FBN2: variants seen among roughly 807,000 people sequenced by gnomAD.
The protein encoded by FBN2 is fibrillin 2.
A neutral mutation model predicts 355.6 loss-of-function variants in FBN2; 105 were observed. The ratio of observed to expected loss-of-function variants is 0.30; its 90% CI spans 0.25 to 0.35. The LOEUF (loss-of-function observed/expected upper bound fraction) is 0.35. Among genes scored for constraint, FBN2 ranks in the 10% least tolerant of loss-of-function variants. The pLI, the probability that FBN2 is intolerant of heterozygous loss-of-function variation, is 1.00. For synonymous variants in FBN2, 1,350 were observed against 1,301.2 expected (o/e 1.04, Z -0.81); for missense variants, 3,280 against 3,758.7 (o/e 0.87, Z 3.33).
At chr5:128,417,198 A>C (rs1414826348) in intron 7 of FBN2, among the ~76,000 whole-genome samples, 4 of 151,924 alleles carry the variant, frequency 2.6e-5, no homozygotes, top group African/African-American at 9.7e-5. Flanking sequence ...TTGTGCACTG[A>C]TTTTTTTATC....
intron 11 of FBN2, among the ~76,000 whole-genome samples, chr5:128,388,645 G>C (rs1051726567): frequency 2.0e-5 from 3 of 152,152 alleles, no homozygotes; most frequent in African/African-American, 7.2e-5. Context: ...TTTTCTTTAA[G>C]AATGCTGAAT....
At chr5:128,465,490 T>C (rs1310982185) in intron 5 of FBN2, among the ~76,000 whole-genome samples, 1 of 152,160 alleles carries the variant, frequency 6.6e-6, no homozygotes, top group Non-Finnish European at 1.5e-5. Flanking sequence ...AACAAATCAA[T>C]AAAGATATGC....
chr5:128,287,311 T>C lies in FBN2; in HGVS notation c.6877A>G (p.Lys2293Glu), dbSNP rs758784773. ...ACTCCCGAGTCTGAGGCCTTACCTTTGCACATCTTTTGATCTTCCCTGAGG... is the reference window on the plus strand; with the variant it reads ...ACTCCCGAGTCTGAGGCCTTACCTTCGCACATCTTTTGATCTTCCCTGAGG... ...YALREDQKMC[K>E]DLDECAEGLH... The change falls in exon 54 of 65, where the codon AAA becomes GAA. Residue 2293 changes from lysine (K) to glutamate (E), a missense_variant. Physicochemically the swap from Lys to Glu is moderately conservative, Grantham distance 56. Coordinates refer to ENST00000262464, the MANE Select transcript of FBN2 (RefSeq NM_001999.4). 12 of 1,613,952 alleles carry C rather than the reference T, an allele frequency of 7.4e-6. No homozygotes were observed. Among genetic ancestry groups the C allele is most frequent in the Non-Finnish European group, 6.8e-6 (8 of 1,179,846 alleles).
At chr5:128,429,604 A>T (rs1438363832) in intron 7 of FBN2, among the ~76,000 whole-genome samples, 1 of 152,220 alleles carries the variant, frequency 6.6e-6, no homozygotes, top group Admixed American at 6.5e-5. Context: ...AAAAAACATC[A>T]AAATAACAAT....
At chr5:128,454,244 T>C (rs1233603325) in intron 6 of FBN2, among the ~76,000 whole-genome samples, 1 of 152,232 alleles carries the variant, frequency 6.6e-6, no homozygotes, top group African/African-American at 2.4e-5. Flanking sequence ...TGTTTTAGAA[T>C]GATGTGTTGT....
chr5:128,501,719 A>G (rs947730631), intron 5 of FBN2, among the ~76,000 whole-genome samples: 16 of 152,152 alleles, frequency 1.1e-4, no homozygotes, highest in African/African-American at 3.9e-4. Flanking sequence ...TAAAAGAGAA[A>G]CTTCTAAATA....
intron 8 of FBN2, among the ~76,000 whole-genome samples, chr5:128,403,270 G>A (rs1752845929): frequency 1.3e-5 from 2 of 151,900 alleles, no homozygotes; most frequent in South Asian, 4.2e-4. Flanking sequence ...TTCACATTAT[G>A]TTTTCAGGTT....
intron 2 of FBN2, 41 bp from the exon 3 acceptor site, chr5:128,530,734 A>T: frequency 8.1e-7 from 1 of 1,238,576 alleles, no homozygotes; most frequent in Non-Finnish European, 1.2e-6. Flanking sequence ...ATAACTATAT[A>T]ATAAACCATA....
At chr5:128,296,794 G>A (rs1210955331) in intron 48 of FBN2, among the ~76,000 whole-genome samples, 1 of 152,050 alleles carries the variant, frequency 6.6e-6, no homozygotes, top group Non-Finnish European at 1.5e-5. Context: ...ACCAGCTCCT[G>A]GATTCGTTAA....
chr5:128,528,371 G>A (rs955017776), intron 3 of FBN2, among the ~76,000 whole-genome samples: 4 of 152,190 alleles, frequency 2.6e-5, no homozygotes, highest in Admixed American at 6.5e-5. Flanking sequence ...GGGGAGCTAC[G>A]GAAAACACAG....
intron 5 of FBN2, among the ~76,000 whole-genome samples, chr5:128,502,890 T>C (rs970593388): frequency 6.6e-6 from 1 of 152,214 alleles, no homozygotes; most frequent in Non-Finnish European, 1.5e-5. Flanking sequence ...TTGTTCAACA[T>C]AAATTTAGCT....
At chr5:128,469,035 A>T (rs1754786257) in intron 5 of FBN2, among the ~76,000 whole-genome samples, 1 of 152,178 alleles carries the variant, frequency 6.6e-6, no homozygotes, top group Admixed American at 6.5e-5. Flanking sequence ...GAGTTTACTG[A>T]GTGACTAGTA....
chr5:128,462,034 T>G (rs1356694730), intron 6 of FBN2, among the ~76,000 whole-genome samples: 1 of 152,218 alleles, frequency 6.6e-6, no homozygotes, highest in Non-Finnish European at 1.5e-5. Flanking sequence ...TCTTTAAGTA[T>G]TATCTTAATT....
At chr5:128,417,044 T>C (rs1753219900) in intron 7 of FBN2, among the ~76,000 whole-genome samples, 1 of 152,206 alleles carries the variant, frequency 6.6e-6, no homozygotes, top group Admixed American at 6.5e-5. Context: ...TGTTTTGCAG[T>C]TTTCCTTATG....
chr5:128,294,953 G>A (rs2126825959), intron 48 of FBN2, among the ~76,000 whole-genome samples: 1 of 141,926 alleles, frequency 7.0e-6, no homozygotes, highest in South Asian at 2.4e-4. Context: ...TTCTTCTAGG[G>A]TTTTTATGGT....
Position 128,276,029 on chromosome 5 carries a change from T to C in FBN2, c.7594+9A>G. 1 of 1,613,548 alleles carries C rather than the reference T, an allele frequency of 6.2e-7. No homozygotes were observed. On this transcript the variant is annotated intron_variant, in intron 59 of 64. Coordinates refer to ENST00000262464, the MANE Select transcript of FBN2 (RefSeq NM_001999.4). The stretch of plus-strand genomic sequence containing the variant: ...CTAGGGTCACGATTGTCAGAGACTC[T>C]TCACTCACCTTTGCATGTCTTTCCA...
In FBN2 at chr5:128,408,795, A is replaced by C. The variant is rs1752995268; in HGVS notation, c.957T>G (p.Ile319Met). The change falls in exon 8 of 65, where the codon ATT (isoleucine) becomes ATG (methionine). Residue 319 changes from isoleucine to methionine, a missense_variant. This residue lies in a region of FBN2 where 343 missense variants were observed against 331.0 expected (regional missense o/e 1.04). Transcript: ENST00000262464. ...TCCCAGGAATGATGCTGCACTCATC[A>C]ATGTCTAATCAAGGGAAGAAGGAGA... ...QSETTQKCEDIDECSIIPGIC... is the reference protein window; with the variant it reads ...QSETTQKCEDMDECSIIPGIC... The C allele has an allele frequency of 6.2e-7, 1 of 1,613,798 alleles. No individual in the cohort carries two copies. Among genetic ancestry groups the C allele is most frequent in the African/African-American group, 1.3e-5 (1 of 74,922 alleles).
intron 54 of FBN2, among the ~76,000 whole-genome samples, 198 bp from the exon 55 acceptor site, chr5:128,287,047 G>T (rs1749173099): frequency 6.6e-6 from 1 of 152,102 alleles, no homozygotes. Context: ...AAGAAGTTTA[G>T]GGAAGGGCAA....
chr5:128,422,476 T>G (rs1375880824), intron 7 of FBN2, among the ~76,000 whole-genome samples: 1 of 151,962 alleles, frequency 6.6e-6, no homozygotes, highest in African/African-American at 2.4e-5. Context: ...GAAAGAGTGG[T>G]TTTATGGTTA....
Sources: gnomAD v4.1 joint callset for allele counts (sites outside exome capture counted in the v4.1 genomes callset) on GRCh38, gnomAD v4.1.1 for gene constraint, gnomAD v4.1.1 regional missense constraint, MANE v1.5 for transcripts, NCBI Gene and HGNC (gene_info 2026-07-23, HGNC 2026-07-21) for gene names.